PLPPR1: variants seen among roughly 807,000 people sequenced by gnomAD.
PLPPR1 encodes the protein phospholipid phosphatase related 1, also known as phospholipid phosphatase-related protein type 1.
Under a neutral mutation model 33.1 loss-of-function variants are expected in PLPPR1, and 10 were observed. That is an observed-to-expected ratio of 0.30 (90% CI 0.19 to 0.51). The LOEUF is 0.51. PLPPR1 is among the 20% of genes least tolerant of loss of function. The pLI, the probability that PLPPR1 is intolerant of heterozygous loss-of-function variation, is 0.97. For missense variants in PLPPR1, 304 were observed against 408.1 expected (o/e 0.74, Z 2.20); for synonymous variants, 151 against 151.0 (o/e 1.00, Z 0.00).
intron 2 of PLPPR1, among the ~76,000 whole-genome samples, chr9:101,200,744 C>T (rs1431931055): frequency 6.6e-6 from 1 of 152,134 alleles, no homozygotes; most frequent in East Asian, 1.9e-4. Flanking sequence ...TTAAACCCTG[C>T]AACTTTTCCT....
intron 1 of PLPPR1, among the ~76,000 whole-genome samples, chr9:101,157,770 G>T (rs1831715350): frequency 6.6e-6 from 1 of 151,906 alleles, no homozygotes; most frequent in South Asian, 2.1e-4. Context: ...GGGAGGCTAA[G>T]GTGGGTGGAT....
Position 101,203,477 on chromosome 9 carries a change from T to C in PLPPR1, c.63+17920T>C, listed in dbSNP as rs1826527995. On this transcript the variant is annotated intron_variant, in intron 2 of 7. Coordinates refer to ENST00000374874, the MANE Select transcript of PLPPR1 (RefSeq NM_207299.2). ...GCCATATGGCCTTGAAGAAATCACTTTGAAGCTTCTAGACTTCATTTTGCT... is the reference window on the plus strand; with the variant it reads ...GCCATATGGCCTTGAAGAAATCACTCTGAAGCTTCTAGACTTCATTTTGCT... 1.3e-5 allele frequency among the ~76,000 whole-genome samples: 2 copies of C among 152,102 alleles called. 1 individual carries two copies. The highest frequency in any genetic ancestry group is 4.1e-4 in the South Asian group (2 of 4,824).
intron 1 of PLPPR1, among the ~76,000 whole-genome samples, chr9:101,127,477 G>T (rs543923531): frequency 6.6e-6 from 1 of 152,328 alleles, no homozygotes; most frequent in South Asian, 2.1e-4. Flanking sequence ...GAATGTGGAG[G>T]TTGAAAAGGC....
intron 2 of PLPPR1, among the ~76,000 whole-genome samples, chr9:101,199,093 C>T (rs926930242): frequency 3.9e-5 from 6 of 152,166 alleles, no homozygotes; most frequent in Non-Finnish European, 8.8e-5. Context: ...TACCATATTC[C>T]TTCAGACTGC....
At chr9:101,037,584 C>A (rs561329178) in intron 1 of PLPPR1, among the ~76,000 whole-genome samples, 1 of 152,056 alleles carries the variant, frequency 6.6e-6, no homozygotes, top group Non-Finnish European at 1.5e-5. Context: ...CACTGCTGTT[C>A]GGCTCAGCAG....
rs72741470 is a variant in PLPPR1 at position 101,205,129 on chromosome 9, T to C, written c.63+19572T>C. Among the ~76,000 whole-genome samples the C allele has an allele frequency of 2.5e-3, 374 of 152,306 alleles. 6 individuals carry two copies. Among genetic ancestry groups the C allele is most frequent in the Non-Finnish European group, 2.6e-3 (177 of 68,018 alleles). ...GCTTCATAAGATCAATGCATGCTTT[T>C]ATTTCTTTTGGCAGGTATCTTACTC... is the stretch of plus-strand genomic sequence containing the variant. On this transcript the variant is annotated intron_variant, in intron 2 of 7. Coordinates refer to ENST00000374874, the MANE Select transcript of PLPPR1 (RefSeq NM_207299.2).
At chr9:101,050,780 A>G (rs1830212935) in intron 1 of PLPPR1, among the ~76,000 whole-genome samples, 1 of 152,200 alleles carries the variant, frequency 6.6e-6, no homozygotes, top group South Asian at 2.1e-4. Flanking sequence ...GATTGATCCT[A>G]GACAAACTAG....
intron 2 of PLPPR1, among the ~76,000 whole-genome samples, chr9:101,244,685 A>G (rs949094263): frequency 2.0e-5 from 3 of 152,014 alleles, no homozygotes; most frequent in African/African-American, 7.2e-5. Context: ...CTAGGTTGAC[A>G]TACAATAAAA....
chr9:101,078,090 GAGA>G (rs1230049595), intron 1 of PLPPR1, among the ~76,000 whole-genome samples: 7 of 55,770 alleles, frequency 1.3e-4, no homozygotes, highest in African/African-American at 5.1e-4. Context: ...GGAGGAGGAG[GAGA>G]AGGAGAAGGA....
At chr9:101,208,088 A>T (rs1826622064) in intron 2 of PLPPR1, among the ~76,000 whole-genome samples, 1 of 152,168 alleles carries the variant, frequency 6.6e-6, no homozygotes, top group Non-Finnish European at 1.5e-5. Context: ...GGGAGCATAT[A>T]TTTTTTGGTT....
rs145181612 is a variant in PLPPR1 at position 101,245,606 on chromosome 9, T to C, written c.64-24274T>C. On this transcript the variant is annotated intron_variant, in intron 2 of 7. Coordinates refer to ENST00000374874, the MANE Select transcript of PLPPR1 (RefSeq NM_207299.2). ...TACACTATATATTTTTTCTAGTGCA[T>C]ATCAAGTATTAAACGCTAAAAGAGT... Among the ~76,000 whole-genome samples the C allele has an allele frequency of 3.1e-4, 47 of 152,124 alleles. 1 individual carries two copies. The East Asian group carries it at 4.7e-3, about 15-fold the overall frequency.
At chr9:101,188,298 T>G (rs1826238452) in intron 2 of PLPPR1, among the ~76,000 whole-genome samples, 1 of 152,106 alleles carries the variant, frequency 6.6e-6, no homozygotes, top group African/African-American at 2.4e-5. Flanking sequence ...TAATTACATT[T>G]GCCAGTTGTT....
At chr9:101,030,158 A>G (rs563607854) in intron 1 of PLPPR1, among the ~76,000 whole-genome samples, 2 of 152,084 alleles carry the variant, frequency 1.3e-5, no homozygotes, top group Admixed American at 1.3e-4. Flanking sequence ...CTCAGAGTGC[A>G]GTGCACCCGC....
At chr9:101,208,555 C>T (rs1472680351) in intron 2 of PLPPR1, among the ~76,000 whole-genome samples, 3 of 152,178 alleles carry the variant, frequency 2.0e-5, no homozygotes, top group Non-Finnish European at 4.4e-5. Flanking sequence ...AAGTAGCTCT[C>T]TACTGGAAAA....
intron 1 of PLPPR1, among the ~76,000 whole-genome samples, chr9:101,053,215 T>C (rs537955798): frequency 2.6e-5 from 4 of 152,136 alleles, no homozygotes; most frequent in Admixed American, 6.6e-5. Flanking sequence ...GCCACCATTA[T>C]CTAATCACTG....
intron 2 of PLPPR1, among the ~76,000 whole-genome samples, chr9:101,208,218 G>A (rs1307372679): frequency 2.0e-5 from 3 of 152,130 alleles, no homozygotes; most frequent in Admixed American, 6.5e-5. Context: ...ATTTTTAAGG[G>A]GACAGTGTAG....
chr9:101,154,512 A>G (rs1356840875), intron 1 of PLPPR1, among the ~76,000 whole-genome samples: 1 of 152,146 alleles, frequency 6.6e-6, no homozygotes, highest in Non-Finnish European at 1.5e-5. Context: ...TATTCATAAT[A>G]TTCTCTGATG....
intron 7 of PLPPR1, among the ~76,000 whole-genome samples, chr9:101,321,576 T>A (rs1426667360): frequency 6.6e-6 from 1 of 152,036 alleles, no homozygotes; most frequent in Non-Finnish European, 1.5e-5. Flanking sequence ...CCCGCCCCAC[T>A]CACAATGTAC....
At chr9:101,243,133 G>A (rs1383769166) in intron 2 of PLPPR1, among the ~76,000 whole-genome samples, 1 of 151,976 alleles carries the variant, frequency 6.6e-6, no homozygotes, top group Non-Finnish European at 1.5e-5. Context: ...CTTACCTGAA[G>A]TAGAAATGTA....
Sources: allele counts gnomAD v4.1 joint callset (sites outside exome capture counted in the v4.1 genomes callset), GRCh38; gene constraint gnomAD v4.1.1; transcripts MANE v1.5; gene names NCBI Gene and HGNC (gene_info 2026-07-23, HGNC 2026-07-21).